LINGO2: variants seen among roughly 807,000 people sequenced by gnomAD.
The protein encoded by LINGO2 is leucine-rich repeat and immunoglobulin-like domain-containing nogo receptor-interacting protein 2.
In LINGO2, 14 loss-of-function variants were observed where a neutral mutation model predicts 30.6. That is an observed-to-expected ratio of 0.46 (90% CI 0.30 to 0.72). The LOEUF (loss-of-function observed/expected upper bound fraction) is 0.72, where lower values mean the gene tolerates loss of function less well. LINGO2 is among the 30% of genes least tolerant of loss of function. The probability of loss-of-function intolerance (pLI) is 0.07; values close to 1 mark genes in which losing one functional copy is unlikely to be tolerated. For missense variants in LINGO2, 729 were observed against 751.7 expected (o/e 0.97, Z 0.35); for synonymous variants, 317 against 288.5 (o/e 1.10, Z -1.00).
chr9:27,940,659 C>T, the LINGO2 span: 1 of 152,262 alleles, frequency 6.6e-6, no homozygotes, highest in Admixed American at 6.5e-5. Flanking sequence ...AAAACATTAA[C>T]AGCCATCTAG....
intron 2 of LINGO2, among the ~76,000 whole-genome samples, chr9:28,391,942 C>T (rs1821852330): frequency 6.6e-6 from 1 of 152,008 alleles, no homozygotes; most frequent in Non-Finnish European, 1.5e-5. Flanking sequence ...AGTGTGGTGG[C>T]TCACGCCTGT....
intron 4 of LINGO2, among the ~76,000 whole-genome samples, chr9:28,176,942 G>A (rs1437845766): frequency 6.6e-6 from 1 of 152,068 alleles, no homozygotes; most frequent in Non-Finnish European, 1.5e-5. Flanking sequence ...TTAAGGTATG[G>A]CTTTGATGTC....
chr9:28,612,347 G>A (rs995370558), intron 1 of LINGO2, among the ~76,000 whole-genome samples: 1 of 152,112 alleles, frequency 6.6e-6, no homozygotes, highest in Non-Finnish European at 1.5e-5. Context: ...ATAGGCATCC[G>A]CCAGTGGCCC....
intron 4 of LINGO2, among the ~76,000 whole-genome samples, chr9:28,035,299 G>A (rs1489441798): frequency 1.3e-5 from 2 of 152,164 alleles, no homozygotes; most frequent in African/African-American, 2.4e-5. Context: ...TTTCCTTATA[G>A]GACATATTTT....
chr9:28,041,384 G>C (rs1257303544), intron 4 of LINGO2, among the ~76,000 whole-genome samples: 1 of 152,108 alleles, frequency 6.6e-6, no homozygotes, highest in Non-Finnish European at 1.5e-5. Context: ...GAGCTGCTTG[G>C]AACTCTTTAC....
intron 1 of LINGO2, among the ~76,000 whole-genome samples, chr9:28,603,400 A>G (rs1156849197): frequency 6.6e-6 from 1 of 152,048 alleles, no homozygotes; most frequent in Non-Finnish European, 1.5e-5. Flanking sequence ...CTATAGACTG[A>G]ATGGATCAAG....
At chr9:29,178,789 G>A in the LINGO2 span, among the ~76,000 whole-genome samples, 1 of 151,952 alleles carries the variant, frequency 6.6e-6, no homozygotes, top group African/African-American at 2.4e-5. Flanking sequence ...AAGAGGAAAG[G>A]AAACAGTAAA....
intron 4 of LINGO2, among the ~76,000 whole-genome samples, chr9:28,159,196 G>C (rs1440056055): frequency 6.6e-6 from 1 of 152,100 alleles, no homozygotes; most frequent in Non-Finnish European, 1.5e-5. Flanking sequence ...AAGAATTTTA[G>C]TTTGTTTTTA....
In LINGO2 at chr9:28,107,295, A is replaced by G. The variant is rs188486396; in HGVS notation, c.-86-94890T>C. Among the ~76,000 whole-genome samples the G allele has an allele frequency of 2.6e-5, 4 of 152,270 alleles. No homozygotes were observed. In the East Asian group the frequency reaches 7.7e-4, roughly 29 times the overall value. ...ATATTATATTCCTAGCACCTTTTACAATGCTTAGTGTGTAAAATGTACAAA... is the reference window on the plus strand; with the variant it reads ...ATATTATATTCCTAGCACCTTTTACGATGCTTAGTGTGTAAAATGTACAAA... On this transcript the variant is annotated intron_variant, in intron 4 of 5. Transcript: ENST00000379992.
the LINGO2 span, among the ~76,000 whole-genome samples, chr9:28,898,001 AG>A: frequency 6.6e-6 from 1 of 152,156 alleles, no homozygotes; most frequent in Non-Finnish European, 1.5e-5. Flanking sequence ...AAGAGGACAA[AG>A]GATTCTGTCA....
the LINGO2 span, among the ~76,000 whole-genome samples, chr9:28,677,922 C>T: frequency 6.6e-6 from 1 of 151,808 alleles, no homozygotes; most frequent in Non-Finnish European, 1.5e-5. Flanking sequence ...CTCTCACCTG[C>T]CCAGAAGCAT....
At chr9:28,813,977 G>A in the LINGO2 span, among the ~76,000 whole-genome samples, 1 of 152,122 alleles carries the variant, frequency 6.6e-6, no homozygotes. Flanking sequence ...GTAAAAAGAA[G>A]CAGAAGACAG....
At chr9:29,145,945 A>T in the LINGO2 span, among the ~76,000 whole-genome samples, 1 of 152,216 alleles carries the variant, frequency 6.6e-6, no homozygotes, top group East Asian at 1.9e-4. Context: ...GTATATTATA[A>T]TTCAGAACAT....
chr9:28,680,053 T>C, the LINGO2 span, among the ~76,000 whole-genome samples: 217 of 152,148 alleles, frequency 1.4e-3, no homozygotes, highest in Non-Finnish European at 3.7e-4. Flanking sequence ...ACTATGGTCA[T>C]CACATTGTAC....
intron 2 of LINGO2, among the ~76,000 whole-genome samples, chr9:28,433,567 T>C (rs974532708): frequency 6.6e-6 from 1 of 151,940 alleles, no homozygotes; most frequent in Admixed American, 6.6e-5. Context: ...AATCTGGATA[T>C]GGTCACAATG....
intron 1 of LINGO2, among the ~76,000 whole-genome samples, chr9:28,527,453 T>C (rs1197753980): frequency 2.0e-5 from 3 of 152,176 alleles, no homozygotes; most frequent in East Asian, 3.9e-4. Context: ...TCTGATCATA[T>C]GTGGCTTCTG....
chr9:28,530,792 C>T (rs562654585), intron 1 of LINGO2, among the ~76,000 whole-genome samples: 40 of 152,010 alleles, frequency 2.6e-4, no homozygotes, highest in African/African-American at 9.6e-4. Context: ...TCTCAGGAAT[C>T]CTGCTTCTCT....
At chr9:28,797,609 C>T in the LINGO2 span, among the ~76,000 whole-genome samples, 10 of 151,836 alleles carry the variant, frequency 6.6e-5, no homozygotes, top group Non-Finnish European at 2.9e-5. Context: ...ATATAAAATG[C>T]TGTGAGAAGG....
At chr9:29,192,364 A>G in the LINGO2 span, among the ~76,000 whole-genome samples, 1 of 152,298 alleles carries the variant, frequency 6.6e-6, no homozygotes, top group East Asian at 1.9e-4. Flanking sequence ...ATTATACTAC[A>G]AACAGAAGCA....
Sources: gnomAD v4.1 joint callset for allele counts (sites outside exome capture counted in the v4.1 genomes callset) on GRCh38, gnomAD v4.1.1 for gene constraint, MANE v1.5 for transcripts, NCBI Gene and HGNC (gene_info 2026-07-23, HGNC 2026-07-21) for gene names.